Variants in EFHC1 observed in about 807,000 individuals in gnomAD.
EFHC1 encodes the protein EF-hand domain containing 1, also known as EF-hand domain-containing protein 1.
EFHC1 carries 53 observed loss-of-function variants against 69.9 expected under a neutral mutation model. That is an observed-to-expected ratio of 0.76 (90% confidence interval 0.61 to 0.95). The LOEUF (loss-of-function observed/expected upper bound fraction) is 0.95, where lower values mean the gene tolerates loss of function less well. EFHC1 is among the 40% of genes least tolerant of loss of function. The pLI is 0.00. For synonymous variants in EFHC1, 256 were observed against 278.4 expected (o/e 0.92, Z 0.80); for missense variants, 739 against 798.7 (o/e 0.93, Z 0.90).
intron 2 of EFHC1, among the ~76,000 whole-genome samples, chr6:52,431,982 T>C (rs899320020): frequency 1.8e-4 from 28 of 152,218 alleles, no homozygotes; most frequent in African/African-American, 6.3e-4. Flanking sequence ...GCTGTTGCTT[T>C]AAAGTTTGTT....
intron 7 of EFHC1, among the ~76,000 whole-genome samples, chr6:52,472,085 A>G (rs1035929806): frequency 3.3e-5 from 5 of 152,048 alleles, no homozygotes; most frequent in African/African-American, 9.6e-5. Flanking sequence ...GCTAAAATCA[A>G]TCTAATATGA....
chr6:52,421,064 G>A (rs531178558), intron 1 of EFHC1: 1 of 991,332 alleles, frequency 1.0e-6, no homozygotes, highest in Non-Finnish European at 1.2e-6. Context: ...TCTTCTTTCC[G>A]CCAGGTCTTT....
intron 9 of EFHC1, chr6:52,482,741 T>A (rs1765707012): frequency 2.5e-6 from 1 of 398,412 alleles, no homozygotes; most frequent in Non-Finnish European, 4.4e-6. Context: ...TGGGATATCT[T>A]CATTCTTTTT....
rs186715408 is a variant in EFHC1, at chr6:52,447,645, A to C, written c.574-5043A>C. On this transcript the variant is annotated intron_variant, in intron 3 of 10. Transcript: ENST00000371068. The stretch of plus-strand genomic sequence containing the variant: ...TGCGTTCCTTTGGAGGAGAAGAGGC[A>C]CTCTGATTTTTAGAATTTTTAGCTT... Among the ~76,000 whole-genome samples, 12 of 152,188 alleles carry C rather than the reference A, an allele frequency of 7.9e-5. No individual in the cohort carries two copies. In the East Asian group the frequency reaches 2.3e-3, roughly 29 times the overall value.
rs555843277 is a variant in EFHC1 at position 52,478,972 on chromosome 6, T to A, written c.1279-65T>A. On this transcript the variant is annotated intron_variant, in intron 7 of 10. Coordinates refer to ENST00000371068, the MANE Select transcript of EFHC1 (RefSeq NM_018100.4). Reference sequence around the variant, plus strand: ...ATCCTATACCTGGCCCCTATAGGCATTTAAGTTGGCACATCTGCATAGACC... The same window carrying A: ...ATCCTATACCTGGCCCCTATAGGCAATTAAGTTGGCACATCTGCATAGACC... 5.0e-5 allele frequency: 75 copies of A among 1,510,094 alleles called. 2 individuals carry two copies. The South Asian group carries it at 7.5e-4, about 15-fold the overall frequency. The allele number at this position is 1,510,094 out of a possible 1,614,324, so 93.5% of individuals were successfully genotyped here.
chr6:52,490,582 A>G lies in EFHC1; in HGVS notation c.1851+232A>G, dbSNP rs867976719. On this transcript the variant is annotated intron_variant, in intron 10 of 10. Transcript: ENST00000371068. ...GTGGGCCTGGGGCTGGACAACACAG[A>G]GTGGTTAGTAGACCAACATGTCAGG... The G allele has an allele frequency of 8.1e-5, 49 of 602,050 alleles. 1 individual carries two copies. The highest frequency in any genetic ancestry group is 8.0e-4 in the African/African-American group (43 of 53,874). 37.3% of individuals were successfully genotyped at this position (602,050 alleles called of 1,614,324 possible). A position where few individuals can be genotyped will look rare whatever the true frequency, so the allele number is the denominator to read the frequency against.
chr6:52,472,274 G>A (rs1174423441), intron 7 of EFHC1, among the ~76,000 whole-genome samples: 1 of 152,148 alleles, frequency 6.6e-6, no homozygotes, highest in African/African-American at 2.4e-5. Context: ...AATGTCGAAA[G>A]GGTACTTTCT....
chr6:52,490,076 T>G, intron 9 of EFHC1, 64 bp from the exon 10 acceptor site: 1 of 1,468,724 alleles, frequency 6.8e-7, no homozygotes, highest in Non-Finnish European at 9.4e-7. Context: ...AGAACTTTGG[T>G]CACCGAGATG....
intron 9 of EFHC1, chr6:52,486,885 A>T (rs1765797962): frequency 6.6e-6 from 1 of 151,300 alleles, no homozygotes; most frequent in African/African-American, 2.4e-5. Context: ...AGTATAATGG[A>T]CTCTTCTCAT....
Position 52,454,283 on chromosome 6 carries a change from T to C in EFHC1, c.912T>C (p.Asn304=), listed in dbSNP as rs373638109. ...GTGTGCCCAAAGTTTTGGTGGAAAA[T>C]GCAAGTATGTTTGATTCAGTTTATT... is the stretch of plus-strand genomic sequence containing the variant. ...RQRVPKVLVE[N]AKNFPQCVLE... Residue 304 remains asparagine (N), a synonymous_variant, in exon 5 of 11, where the codon AAT becomes AAC. Coordinates refer to ENST00000371068, the MANE Select transcript of EFHC1 (RefSeq NM_018100.4). 1.4e-5 allele frequency: 22 copies of C among 1,613,908 alleles called. No individual in the cohort carries two copies. The African/African-American group carries it at 2.5e-4, about 19-fold the overall frequency.
At position 52,423,997 on chromosome 6, in the gene EFHC1, A is replaced by C. The variant is rs557467591; in HGVS notation, c.115A>C (p.Ile39Leu). Reference protein sequence around the residue: ...QTLSYRNGYAIVRRPTVGIGG... With the variant: ...QTLSYRNGYALVRRPTVGIGG... ...GCTGAGCTACAGGAACGGCTATGCA[A>C]TTGTTCGACGTCCAACAGTTGGGAT... Residue 39 changes from isoleucine to leucine, a missense_variant, in exon 2 of 11, where the codon ATT becomes CTT. By Grantham distance (5) the Ile-to-Leu change is conservative (BLOSUM62 2). Coordinates refer to ENST00000371068, the MANE Select transcript of EFHC1 (RefSeq NM_018100.4). 6.2e-7 allele frequency: 1 copy of C among 1,614,158 alleles called. No individual in the cohort carries two copies. Among genetic ancestry groups the C allele is most frequent in the African/African-American group, 1.3e-5 (1 of 75,032 alleles).
At position 52,451,818 on chromosome 6, in the gene EFHC1, G is replaced by A. The variant is rs529559384; in HGVS notation, c.574-870G>A. On this transcript the variant is annotated intron_variant, in intron 3 of 10. Transcript: ENST00000371068. The stretch of plus-strand genomic sequence containing the variant: ...TTTGTCTTTCCTATTTTGCTAACAC[G>A]TTTTCTGGTCTAATATAACCAGTGG... Among the ~76,000 whole-genome samples, 47 of 152,194 alleles carry A rather than the reference G, an allele frequency of 3.1e-4. No individual in the cohort carries two copies. In the South Asian group the frequency reaches 6.2e-3, roughly 20 times the overall value.
At chr6:52,461,256 G>T (rs1164049751) in intron 5 of EFHC1, among the ~76,000 whole-genome samples, 1 of 151,848 alleles carries the variant, frequency 6.6e-6, no homozygotes, top group Non-Finnish European at 1.5e-5. Flanking sequence ...AGTGTGTATT[G>T]TTCCCTCCTA....
At chr6:52,478,956 C>T in intron 7 of EFHC1, 81 bp from the exon 8 acceptor site, 1 of 1,286,928 alleles carries the variant, frequency 7.8e-7, no homozygotes, top group Non-Finnish European at 1.1e-6. Context: ...TATCCTATAC[C>T]TGGCCCCTAT....
intron 7 of EFHC1, among the ~76,000 whole-genome samples, chr6:52,471,783 G>A (rs1245910865): frequency 1.2e-4 from 18 of 152,042 alleles, no homozygotes; most frequent in Admixed American, 3.3e-4. Flanking sequence ...TATGAGAATC[G>A]CTTGAACCTG....
chr6:52,420,453 A>G lies in EFHC1; in HGVS notation c.43A>G (p.Thr15Ala), dbSNP rs750899949. 15 of 1,614,226 alleles carry G rather than the reference A, an allele frequency of 9.3e-6. No homozygotes were observed. The East Asian group carries it at 3.1e-4, about 34-fold the overall frequency. ...GCATGGCTTGCCCTTTCTTCCGGGC[A>G]CGTCCTTTAAGGACTCTACGGTGAG... ...PVHGLPFLPG[T>A]SFKDSTKTAF... Residue 15 changes from threonine (T) to alanine (A), a missense_variant, in exon 1 of 11, where the codon ACG becomes GCG. Physicochemically the swap from Thr to Ala is moderately conservative, Grantham distance 58 (BLOSUM62 0). Coordinates refer to ENST00000371068, the MANE Select transcript of EFHC1 (RefSeq NM_018100.4).
intron 6 of EFHC1, among the ~76,000 whole-genome samples, chr6:52,468,028 C>A (rs1000803149): frequency 4.6e-5 from 7 of 152,196 alleles, no homozygotes; most frequent in African/African-American, 1.7e-4. Flanking sequence ...ACTTGTAAGT[C>A]AAGCTTCTCT....
chr6:52,440,729 T>C (rs1003561890), intron 3 of EFHC1, among the ~76,000 whole-genome samples: 3 of 152,156 alleles, frequency 2.0e-5, no homozygotes, highest in African/African-American at 7.2e-5. Context: ...CTACAATGGT[T>C]GAACTAATTT....
In EFHC1 at chr6:52,494,577, G is replaced by A. The variant is rs750430124; in HGVS notation, c.*2236G>A. 2 of 454,120 alleles carry A rather than the reference G, an allele frequency of 4.4e-6. No homozygotes were observed. The highest frequency in any genetic ancestry group is 8.8e-6 in the Non-Finnish European group (2 of 226,788). The allele number at this position is 454,120 out of a possible 1,614,324, so 28.1% of individuals were successfully genotyped here. ...CGAAAGGCTGACTCTTTCTCCCAGA[G>A]CACCTTTTCTCTCTTTTTGGATTCA... On this transcript the variant is annotated 3_prime_UTR_variant, in exon 11 of 11. Coordinates refer to ENST00000371068, the MANE Select transcript of EFHC1 (RefSeq NM_018100.4).
Sources: gnomAD v4.1 joint callset for allele counts (sites outside exome capture counted in the v4.1 genomes callset) on GRCh38, gnomAD v4.1.1 for gene constraint, MANE v1.5 for transcripts, NCBI Gene and HGNC (gene_info 2026-07-23, HGNC 2026-07-21) for gene names.